Variants in SLC9C1 observed in about 807,000 individuals in gnomAD.
The protein encoded by SLC9C1 is sodium/hydrogen exchanger 10.
Under a neutral mutation model 140.9 loss-of-function variants are expected in SLC9C1, and 97 were observed. The ratio of observed to expected loss-of-function variants is 0.69; its 90% CI spans 0.58 to 0.82. The LOEUF is 0.82. Ranked by LOEUF, SLC9C1 falls within the 40% of genes least tolerant of loss-of-function variation. The pLI is 0.00. For synonymous variants in SLC9C1, 440 were observed against 442.6 expected (o/e 0.99, Z 0.07); for missense variants, 1,340 against 1,389.3 (o/e 0.96, Z 0.56).
intron 10 of SLC9C1, among the ~76,000 whole-genome samples, chr3:112,249,182 C>T (rs540948099): frequency 2.0e-5 from 3 of 151,886 alleles, no homozygotes; most frequent in African/African-American, 7.2e-5. Context: ...TTATCAAAAG[C>T]CTTTTCTGCA....
intron 26 of SLC9C1, among the ~76,000 whole-genome samples, chr3:112,162,894 C>G (rs1341872757): frequency 1.5e-5 from 2 of 136,462 alleles, no homozygotes; most frequent in African/African-American, 2.8e-5. Flanking sequence ...GTGAATCCAT[C>G]TGGTCCTGGA....
At chr3:112,205,205 C>A (rs1270787006) in intron 16 of SLC9C1, among the ~76,000 whole-genome samples, 1 of 152,062 alleles carries the variant, frequency 6.6e-6, no homozygotes. Flanking sequence ...TCAGCAAAGT[C>A]TCAGGATACA....
intron 26 of SLC9C1, among the ~76,000 whole-genome samples, chr3:112,164,764 T>C (rs1000088579): frequency 4.0e-5 from 6 of 151,850 alleles, no homozygotes; most frequent in African/African-American, 1.5e-4. Context: ...GAGTTGCTCT[T>C]CTTGAGGAGT....
chr3:112,165,987 G>T (rs2077125334), intron 26 of SLC9C1, among the ~76,000 whole-genome samples: 2 of 152,180 alleles, frequency 1.3e-5, no homozygotes, highest in Admixed American at 6.5e-5. Context: ...CCCTCCCCCA[G>T]CCTTGTTGCT....
chr3:112,258,799 C>T (rs934265601), intron 10 of SLC9C1, among the ~76,000 whole-genome samples: 2 of 151,966 alleles, frequency 1.3e-5, no homozygotes, highest in East Asian at 1.9e-4. Flanking sequence ...TTAATTGGCT[C>T]ATGATTCTGC....
At position 112,200,682 on chromosome 3, in the gene SLC9C1, T is replaced by C. The variant is rs775957151; in HGVS notation, c.2374+29A>G. The stretch of plus-strand genomic sequence containing the variant: ...CTGAAGTGGTGATGATAAGAGATGG[T>C]CATGCTAAATAGGATGAGAGCTACT... On this transcript the variant is annotated intron_variant, in intron 19 of 28. Coordinates refer to ENST00000305815, the MANE Select transcript of SLC9C1 (RefSeq NM_183061.3). 11 of 1,593,680 alleles carry C rather than the reference T, an allele frequency of 6.9e-6. No individual in the cohort carries two copies. In the Admixed American group the frequency reaches 1.8e-4, roughly 25 times the overall value.
chr3:112,225,403 T>C lies in SLC9C1; in HGVS notation c.1573-4178A>G, dbSNP rs537097893. On this transcript the variant is annotated intron_variant, in intron 13 of 28. Coordinates refer to ENST00000305815, the MANE Select transcript of SLC9C1 (RefSeq NM_183061.3). Reference sequence around the variant, plus strand: ...CCAATATCTGGAAGCAAAAGGACAATAACTAAGATTGTAAAAACATATAAA... The same window carrying C: ...CCAATATCTGGAAGCAAAAGGACAACAACTAAGATTGTAAAAACATATAAA... 2.4e-4 allele frequency among the ~76,000 whole-genome samples: 37 copies of C among 151,850 alleles called. 1 individual carries two copies. Among genetic ancestry groups the C allele is most frequent in the Non-Finnish European group, 2.9e-5 (2 of 67,946 alleles).
intron 10 of SLC9C1, among the ~76,000 whole-genome samples, chr3:112,258,180 C>A (rs1236566134): frequency 6.6e-6 from 1 of 152,144 alleles, no homozygotes; most frequent in Admixed American, 6.5e-5. Context: ...ACCCAGCAAT[C>A]CCATTCCTGT....
chr3:112,259,126 A>G (rs1455137536), intron 10 of SLC9C1, among the ~76,000 whole-genome samples: 1 of 152,168 alleles, frequency 6.6e-6, no homozygotes, highest in Non-Finnish European at 1.5e-5. Context: ...CACATAAAAG[A>G]ATGAGATCAT....
At position 112,264,297 on chromosome 3, in the gene SLC9C1, A is replaced by C. The variant is rs1294776620; in HGVS notation, c.925T>G (p.Phe309Val). 1.3e-6 allele frequency: 2 copies of C among 1,488,976 alleles called. No homozygotes were observed. The highest frequency in any genetic ancestry group is 1.8e-6 in the Non-Finnish European group (2 of 1,119,264). The allele number at this position is 1,488,976 out of a possible 1,614,324, so 92.2% of individuals were successfully genotyped here. ...TGTGCAGGAATTAGAAGTCCAAAGA[A>C]AGTAAACACCATGAGAAAAGCAATA... ...SRIAFLMVFTFFGLLIPAHTY... is the reference protein window; with the variant it reads ...SRIAFLMVFTVFGLLIPAHTY... Residue 309 changes from phenylalanine (F) to valine (V), a missense_variant, in exon 9 of 29, where the codon TTC becomes GTC. Transcript: ENST00000305815.
At chr3:112,260,896 C>G (rs1044645549) in intron 10 of SLC9C1, among the ~76,000 whole-genome samples, 8 of 152,010 alleles carry the variant, frequency 5.3e-5, no homozygotes, top group African/African-American at 1.9e-4. Flanking sequence ...AGTAATGATC[C>G]AAGGAAATTT....
At chr3:112,253,759 G>A (rs2079529681) in intron 10 of SLC9C1, among the ~76,000 whole-genome samples, 1 of 152,170 alleles carries the variant, frequency 6.6e-6, no homozygotes, top group Admixed American at 6.6e-5. Flanking sequence ...TCTCCGACAT[G>A]GGTTCTTAAC....
At chr3:112,197,914 G>A (rs1278139984) in intron 20 of SLC9C1, among the ~76,000 whole-genome samples, 3 of 152,040 alleles carry the variant, frequency 2.0e-5, no homozygotes, top group South Asian at 2.1e-4. Context: ...ACTGCCTGTC[G>A]GCCTGCTCCT....
chr3:112,198,211 T>C (rs1400088825), intron 20 of SLC9C1, among the ~76,000 whole-genome samples: 1 of 151,998 alleles, frequency 6.6e-6, no homozygotes, highest in African/African-American at 2.4e-5. Context: ...ATTTAGAGTT[T>C]CTAATTGTAA....
chr3:112,182,265 C>A lies in SLC9C1; in HGVS notation c.2524-7G>T. On this transcript the variant is annotated splice_polypyrimidine_tract_variant and splice_region_variant and intron_variant, in intron 20 of 28. Transcript: ENST00000305815. ...TCTTTTTGGCCATGATTAACTAAAA[C>A]ATAAAATTTAAGAAAAGGGATGAAC... 1 of 1,594,040 alleles carries A rather than the reference C, an allele frequency of 6.3e-7. No individual in the cohort carries two copies. The highest frequency in any genetic ancestry group is 1.8e-5 in the Admixed American group (1 of 56,442).
At chr3:112,205,282 T>C (rs1428956978) in intron 16 of SLC9C1, among the ~76,000 whole-genome samples, 1 of 152,060 alleles carries the variant, frequency 6.6e-6, no homozygotes, top group Non-Finnish European at 1.5e-5. Flanking sequence ...AGCCAAATCA[T>C]GAGTGAACTC....
intron 14 of SLC9C1, among the ~76,000 whole-genome samples, chr3:112,218,104 G>A (rs78137850): frequency 0.021 from 3,201 of 151,374 alleles, 113 homozygotes; most frequent in African/African-American, 0.073. Flanking sequence ...ACTTAGAAAA[G>A]TCACTGGTCA....
Position 112,202,400 on chromosome 3 carries a change from CT to C in SLC9C1, c.2173-2del. ...TTTGCAGCAACTTTGGTGCTATGAG[CT>C]GAATTAAACAGGACTTCCATTAATA... On this transcript the variant is annotated splice_acceptor_variant, in intron 17 of 28. Coordinates refer to ENST00000305815, the MANE Select transcript of SLC9C1 (RefSeq NM_183061.3). LOFTEE classifies it high-confidence loss of function. 1 of 1,584,272 alleles carries C rather than the reference CT, an allele frequency of 6.3e-7. No individual in the cohort carries two copies. The highest frequency in any genetic ancestry group is 2.3e-5 in the East Asian group (1 of 44,310).
At chr3:112,284,990 T>TC (rs2108359438) in intron 2 of SLC9C1, among the ~76,000 whole-genome samples, 1 of 137,198 alleles carries the variant, frequency 7.3e-6, no homozygotes, top group African/African-American at 2.7e-5. Flanking sequence ...TTTTTCTTTT[T>TC]TTTTTTTTTT....
Sources: gnomAD v4.1 joint callset for allele counts (sites outside exome capture counted in the v4.1 genomes callset) on GRCh38, gnomAD v4.1.1 for gene constraint, MANE v1.5 for transcripts, NCBI Gene and HGNC (gene_info 2026-07-23, HGNC 2026-07-21) for gene names.